The following LYPD6B variants were observed in gnomAD, a reference collection of about 807,000 sequenced individuals.
LYPD6B encodes LY6/PLAUR domain containing 6B.
In LYPD6B, 17 loss-of-function variants were observed where a neutral mutation model predicts 22.8. That is an observed-to-expected ratio of 0.75 (90% CI 0.51 to 1.12). The LOEUF (loss-of-function observed/expected upper bound fraction) is 1.12. Among genes scored for constraint, LYPD6B ranks in the 50% most tolerant of loss-of-function variants. LYPD6B has a pLI of 0.00. For missense variants in LYPD6B, 221 were observed against 258.3 expected (o/e 0.86, Z 0.99); for synonymous variants, 106 against 91.6 (o/e 1.16, Z -0.90).
intron 1 of LYPD6B, among the ~76,000 whole-genome samples, chr2:149,085,935 A>T (rs975581165): frequency 6.6e-6 from 1 of 152,160 alleles, no homozygotes; most frequent in African/African-American, 2.4e-5. Context: ...GAGGACTGGG[A>T]TTACCTGCAA....
intron 3 of LYPD6B, among the ~76,000 whole-genome samples, chr2:149,175,777 C>T: frequency 6.7e-6 from 1 of 148,834 alleles, no homozygotes; most frequent in East Asian, 2.0e-4. Context: ...CAAACACACA[C>T]ATTAGCCTAA....
At chr2:149,088,504 G>T (rs1685503894) in intron 1 of LYPD6B, among the ~76,000 whole-genome samples, 1 of 152,124 alleles carries the variant, frequency 6.6e-6, no homozygotes, top group Non-Finnish European at 1.5e-5. Flanking sequence ...TTGGACCAAG[G>T]ATTACCTGGA....
chr2:149,166,813 A>G (rs1208554633), intron 3 of LYPD6B, among the ~76,000 whole-genome samples: 1 of 152,094 alleles, frequency 6.6e-6, no homozygotes, highest in Non-Finnish European at 1.5e-5. Context: ...CTGGACATGC[A>G]TGGTCCCACC....
intron 1 of LYPD6B, among the ~76,000 whole-genome samples, chr2:149,061,965 G>A (rs188471389): frequency 2.0e-5 from 3 of 151,188 alleles, no homozygotes; most frequent in East Asian, 1.9e-4. Flanking sequence ...GAGAAACATC[G>A]TAGAATCTTT....
chr2:149,127,838 G>A (rs572066765), intron 1 of LYPD6B, among the ~76,000 whole-genome samples: 5 of 152,184 alleles, frequency 3.3e-5, no homozygotes, highest in East Asian at 1.9e-4. Context: ...ATGAGACCTG[G>A]AACTACTCTA....
intron 3 of LYPD6B, among the ~76,000 whole-genome samples, chr2:149,170,080 A>G (rs566069498): frequency 1.3e-5 from 2 of 152,208 alleles, no homozygotes; most frequent in South Asian, 4.1e-4. Context: ...CCATGTCTCT[A>G]TTTGAAAAAT....
At chr2:149,089,078 A>C (rs1685527274) in intron 1 of LYPD6B, among the ~76,000 whole-genome samples, 1 of 152,168 alleles carries the variant, frequency 6.6e-6, no homozygotes, top group Admixed American at 6.5e-5. Flanking sequence ...AATACATGTA[A>C]AGTGTGTAGT....
At position 149,069,376 on chromosome 2, in the gene LYPD6B, A is replaced by G. The variant is rs558638122; in HGVS notation, c.-67+30575A>G. ...GCGACATAGACTGTGTATACCTAAG[A>G]ACAGCAGAGTGACTGCGGTGGAATT... is the stretch of plus-strand genomic sequence containing the variant. On this transcript the variant is annotated intron_variant, in intron 1 of 6. Transcript: ENST00000409642. 5.4e-4 allele frequency among the ~76,000 whole-genome samples: 82 copies of G among 152,274 alleles called. 3 individuals carry two copies. In the South Asian group the frequency reaches 0.013, roughly 25 times the overall value.
At chr2:149,169,413 T>A (rs1462977651) in intron 3 of LYPD6B, among the ~76,000 whole-genome samples, 1 of 152,164 alleles carries the variant, frequency 6.6e-6, no homozygotes. Flanking sequence ...GAGCATGACT[T>A]TGAAGGGGAT....
At chr2:149,048,597 C>A (rs1683416016) in intron 1 of LYPD6B, among the ~76,000 whole-genome samples, 1 of 152,218 alleles carries the variant, frequency 6.6e-6, no homozygotes, top group Non-Finnish European at 1.5e-5. Context: ...TTGTCTCTTC[C>A]TGCAAGTGCC....
chr2:149,045,111 A>G (rs1396420182), intron 1 of LYPD6B, among the ~76,000 whole-genome samples: 1 of 152,012 alleles, frequency 6.6e-6, no homozygotes, highest in African/African-American at 2.4e-5. Context: ...TAGATATAGG[A>G]CTATTCAGAT....
At chr2:149,151,049 A>G (rs1689338588) in intron 2 of LYPD6B, among the ~76,000 whole-genome samples, 1 of 152,136 alleles carries the variant, frequency 6.6e-6, no homozygotes, top group Non-Finnish European at 1.5e-5. Context: ...CAGTTTTTGT[A>G]TTCCTTATTG....
chr2:149,139,008 C>G (rs1234752543), intron 2 of LYPD6B, among the ~76,000 whole-genome samples: 1 of 152,202 alleles, frequency 6.6e-6, no homozygotes, highest in Non-Finnish European at 1.5e-5. Flanking sequence ...CTAGGAAGTT[C>G]AGAACCAAAT....
At chr2:149,204,093 G>A (rs967741282) in intron 3 of LYPD6B, among the ~76,000 whole-genome samples, 1 of 152,174 alleles carries the variant, frequency 6.6e-6, no homozygotes, top group Non-Finnish European at 1.5e-5. Flanking sequence ...TAGTATTCCA[G>A]TATTTTCACA....
intron 3 of LYPD6B, among the ~76,000 whole-genome samples, chr2:149,192,548 G>T (rs1575156146): frequency 6.6e-6 from 1 of 151,722 alleles, no homozygotes; most frequent in South Asian, 2.1e-4. Context: ...GGTATATCAT[G>T]ACTTCATTCC....
chr2:149,088,332 A>G (rs1685495782), intron 1 of LYPD6B, among the ~76,000 whole-genome samples: 1 of 152,166 alleles, frequency 6.6e-6, no homozygotes, highest in East Asian at 1.9e-4. Flanking sequence ...AGGCTAGGGT[A>G]CAACAATCCA....
chr2:149,170,513 A>G (rs943468176), intron 3 of LYPD6B, among the ~76,000 whole-genome samples: 1 of 152,166 alleles, frequency 6.6e-6, no homozygotes, highest in Non-Finnish European at 1.5e-5. Context: ...TTAAATTTGG[A>G]TGTATGGGTA....
At chr2:149,161,995 G>A (rs935426955) in intron 3 of LYPD6B, among the ~76,000 whole-genome samples, 1 of 152,136 alleles carries the variant, frequency 6.6e-6, no homozygotes, top group African/African-American at 2.4e-5. Context: ...AATGTGAGCT[G>A]TAACTTCAAC....
At chr2:149,142,611 A>C (rs1409690513) in intron 2 of LYPD6B, among the ~76,000 whole-genome samples, 2 of 152,154 alleles carry the variant, frequency 1.3e-5, no homozygotes, top group Non-Finnish European at 2.9e-5. Flanking sequence ...TGTGTTGTAT[A>C]TAATGCTTAT....
Sources: gnomAD v4.1 joint callset for allele counts (sites outside exome capture counted in the v4.1 genomes callset) on GRCh38, gnomAD v4.1.1 for gene constraint, MANE v1.5 for transcripts, NCBI Gene and HGNC (gene_info 2026-07-23, HGNC 2026-07-21) for gene names.